Variants in TTYH1 observed in about 807,000 individuals in gnomAD.
The protein encoded by TTYH1 is protein tweety homolog 1.
Under a neutral mutation model 61.2 loss-of-function variants are expected in TTYH1, and 33 were observed. The ratio of observed to expected loss-of-function variants is 0.54; its 90% CI spans 0.41 to 0.72. The LOEUF (loss-of-function observed/expected upper bound fraction) is 0.72. Ranked by LOEUF, TTYH1 falls within the 30% of genes least tolerant of loss-of-function variation. The pLI, the probability that TTYH1 is intolerant of heterozygous loss-of-function variation, is 0.00. For synonymous variants in TTYH1, 308 were observed against 266.4 expected, an observed-to-expected ratio of 1.16 and a Z score of -1.52; for missense variants, 538 against 575.8, an observed-to-expected ratio of 0.93 and a Z score of 0.67.
At position 54,429,394 on chromosome 19, in the gene TTYH1, C is replaced by G; in HGVS notation, c.807+15C>G. 1 of 1,612,932 alleles carries G rather than the reference C, an allele frequency of 6.2e-7. No homozygotes were observed. The highest frequency in any genetic ancestry group is 8.5e-7 in the Non-Finnish European group (1 of 1,179,528). On this transcript the variant is annotated intron_variant, in intron 6 of 13. Coordinates refer to ENST00000376530, the MANE Select transcript of TTYH1 (RefSeq NM_020659.4). This position sits in a 1 kb window ranked among gnomAD's most constrained non-coding sequence, Gnocchi z 5.1. ...CCACGGCCGTGGTGAGTGCCAGGGC[C>G]GGGCCATTGGGCTCTGGGACTCAGG...
chr19:54,424,338 ATCAT>A (rs1195159281), intron 4 of TTYH1, among the ~76,000 whole-genome samples: 4 of 152,208 alleles, frequency 2.6e-5, no homozygotes, highest in African/African-American at 9.6e-5. Context: ...ACCATTAGTA[ATCAT>A]TCATTCATTC....
intron 10 of TTYH1, chr19:54,432,981 A>C (rs2083471477): frequency 6.6e-6 from 1 of 152,156 alleles, no homozygotes; most frequent in Non-Finnish European, 1.5e-5. Context: ...GTAAGCACTG[A>C]AGCCATGCTC....
At position 54,416,213 on chromosome 19, in the gene TTYH1, A is replaced by G; in HGVS notation, c.126+535A>G. 6.1e-6 allele frequency: 3 copies of G among 488,580 alleles called. No homozygotes were observed. The highest frequency in any genetic ancestry group is 1.1e-5 in the Non-Finnish European group (3 of 272,914). 30.3% of individuals were successfully genotyped at this position (488,580 alleles called of 1,614,324 possible). A position where few individuals can be genotyped will look rare whatever the true frequency, so the allele number is the denominator to read the frequency against. ...TCAGGGGCTGAGGACCAGGGCTGGA[A>G]AATGAAGGGGCTCTGGGAGAGGAAG... On this transcript the variant is annotated intron_variant, in intron 1 of 13. Coordinates refer to ENST00000376530, the MANE Select transcript of TTYH1 (RefSeq NM_020659.4). This position sits in a 1 kb window ranked among gnomAD's most constrained non-coding sequence, Gnocchi z 7.0.
chr19:54,435,713 G>A (rs2083533758), intron 11 of TTYH1, 29 bp downstream of exon 11: 2 of 1,609,754 alleles, frequency 1.2e-6, no homozygotes, highest in Non-Finnish European at 1.7e-6. Flanking sequence ...TAGGGTCCTG[G>A]GGAGGGAAGA....
rs541745938 is a variant in TTYH1 at position 54,426,872 on chromosome 19, G to C, written c.734+104G>C. Reference sequence around the variant, plus strand: ...TACACGGAGGACCGTGGTCCTTCACGGCCGGGTACACACGAAGAAAAGAGA... The same window carrying C: ...TACACGGAGGACCGTGGTCCTTCACCGCCGGGTACACACGAAGAAAAGAGA... On this transcript the variant is annotated intron_variant, in intron 5 of 13. Coordinates refer to ENST00000376530, the MANE Select transcript of TTYH1 (RefSeq NM_020659.4). 286 of 1,017,598 alleles carry C rather than the reference G, an allele frequency of 2.8e-4. 1 individual carries two copies. In the African/African-American group the frequency reaches 3.9e-3, roughly 14 times the overall value. 63.0% of individuals were successfully genotyped at this position (1,017,598 alleles called of 1,614,324 possible).
intron 10 of TTYH1, chr19:54,431,435 T>G: frequency 5.8e-6 from 3 of 517,466 alleles, no homozygotes; most frequent in Non-Finnish European, 6.8e-6. Flanking sequence ...ACTCCCGCAC[T>G]CCCCGCTGGG....
rs1428609630 is a variant in TTYH1 at position 54,421,816 on chromosome 19, TCATG to T, written c.418-372_418-369del. On this transcript the variant is annotated intron_variant, in intron 3 of 13. Transcript: ENST00000376530. This position sits in a 1 kb window ranked among gnomAD's most constrained non-coding sequence, Gnocchi z 4.8. ...CCTGGGGCTGAGGCCTGGCCCCACT[TCATG>T]CCTTAGATTCCATGTCCAGCTGCAG... Among the ~76,000 whole-genome samples, 2 of 152,018 alleles carry T rather than the reference TCATG, an allele frequency of 1.3e-5. No individual in the cohort carries two copies. The highest frequency in any genetic ancestry group is 2.9e-5 in the Non-Finnish European group (2 of 67,994).
chr19:54,418,855 A>G, intron 1 of TTYH1: 1 of 410,850 alleles, frequency 2.4e-6, no homozygotes, highest in Non-Finnish European at 4.3e-6. Context: ...CCTGCTAAAG[A>G]TTGCACAGCC....
chr19:54,417,137 T>G (rs1048755734), intron 1 of TTYH1, among the ~76,000 whole-genome samples: 14 of 152,022 alleles, frequency 9.2e-5, no homozygotes, highest in African/African-American at 3.4e-4. Context: ...CACTGGCATA[T>G]GCACAGCACA....
chr19:54,417,405 A>G (rs1364856321), intron 1 of TTYH1, among the ~76,000 whole-genome samples: 1 of 151,136 alleles, frequency 6.6e-6, no homozygotes, highest in East Asian at 2.0e-4. Context: ...TACTCTCATT[A>G]CACACTCACA....
At position 54,429,228 on chromosome 19, in the gene TTYH1, G is replaced by A. The variant is rs2083385287; in HGVS notation, c.735-79G>A. ...AGGTGGGTGGAGGTGGGGGGCGGCTGTGATGGGATTTGGGGTGTGGAAAGA... is the reference window on the plus strand; with the variant it reads ...AGGTGGGTGGAGGTGGGGGGCGGCTATGATGGGATTTGGGGTGTGGAAAGA... On this transcript the variant is annotated intron_variant, in intron 5 of 13. Coordinates refer to ENST00000376530, the MANE Select transcript of TTYH1 (RefSeq NM_020659.4). The surrounding 1 kb of genome is among the most constrained non-coding windows in gnomAD (Gnocchi z 5.1). 3.0e-6 allele frequency: 4 copies of A among 1,347,870 alleles called. No homozygotes were observed. In the African/African-American group the frequency reaches 4.3e-5, roughly 14 times the overall value. 83.5% of individuals were successfully genotyped at this position (1,347,870 alleles called of 1,614,324 possible).
chr19:54,430,753 GGA>G, intron 8 of TTYH1, 58 bp from the exon 9 acceptor site: 1 of 1,591,248 alleles, frequency 6.3e-7, no homozygotes, highest in South Asian at 1.1e-5. Flanking sequence ...CCGGAGGAGA[GGA>G]GAGAGGGCCG....
In TTYH1 at chr19:54,435,531, C is replaced by T. The variant is rs773812746; in HGVS notation, c.1126-11C>T. 1 of 1,585,536 alleles carries T rather than the reference C, an allele frequency of 6.3e-7. No individual in the cohort carries two copies. The highest frequency in any genetic ancestry group is 1.1e-5 in the South Asian group (1 of 87,954). The stretch of plus-strand genomic sequence containing the variant: ...GTGGGGACGCATGGCCTGATGACGC[C>T]CTCCCCTCAGGACTATGGTGCAGCC... On this transcript the variant is annotated splice_polypyrimidine_tract_variant and intron_variant, in intron 10 of 13. Transcript: ENST00000376530.
At position 54,420,487 on chromosome 19, in the gene TTYH1, C is replaced by T. The variant is rs528455375; in HGVS notation, c.306-790C>T. 1.8e-4 allele frequency among the ~76,000 whole-genome samples: 28 copies of T among 151,962 alleles called. No homozygotes were observed. The South Asian group carries it at 1.9e-3, about 10-fold the overall frequency. Reference sequence around the variant, plus strand: ...CGACCCGAGGGATGGGGGTGGAGGCCCAGCCGGGGCTGGGAACCGGGAGGG... The same window carrying T: ...CGACCCGAGGGATGGGGGTGGAGGCTCAGCCGGGGCTGGGAACCGGGAGGG... On this transcript the variant is annotated intron_variant, in intron 2 of 13. Transcript: ENST00000376530. This position sits in a 1 kb window ranked among gnomAD's most constrained non-coding sequence, Gnocchi z 4.8.
Position 54,429,217 on chromosome 19 carries a change from G to A in TTYH1, c.735-90G>A. ...CCAGGCTCCAGAGGTGGGTGGAGGTGGGGGGCGGCTGTGATGGGATTTGGG... is the reference window on the plus strand; with the variant it reads ...CCAGGCTCCAGAGGTGGGTGGAGGTAGGGGGCGGCTGTGATGGGATTTGGG... On this transcript the variant is annotated intron_variant, in intron 5 of 13. Transcript: ENST00000376530. This position sits in a 1 kb window ranked among gnomAD's most constrained non-coding sequence, Gnocchi z 5.1. 2 of 1,201,852 alleles carry A rather than the reference G, an allele frequency of 1.7e-6. No individual in the cohort carries two copies. Among genetic ancestry groups the A allele is most frequent in the Admixed American group, 3.5e-5 (2 of 56,870 alleles). The allele number at this position is 1,201,852 out of a possible 1,614,324, so 74.4% of individuals were successfully genotyped here.
chr19:54,436,754 C>G lies in TTYH1; in HGVS notation c.*464C>G, dbSNP rs34207530. ...TCCTTATTTCTCCTCTCCCTTGATT[C>G]GGCCTCCTGGCCAGGGCTGGGACAT... On this transcript the variant is annotated 3_prime_UTR_variant, in exon 14 of 14. Coordinates refer to ENST00000376530, the MANE Select transcript of TTYH1 (RefSeq NM_020659.4). This position sits in a 1 kb window ranked among gnomAD's most constrained non-coding sequence, Gnocchi z 4.3. The G allele has an allele frequency of 4.1e-6, 1 of 245,714 alleles. No homozygotes were observed. Among genetic ancestry groups the G allele is most frequent in the Non-Finnish European group, 8.0e-6 (1 of 124,688 alleles). 15.2% of individuals were successfully genotyped at this position (245,714 alleles called of 1,614,324 possible).
At position 54,429,855 on chromosome 19, in the gene TTYH1, G is replaced by A. The variant is rs777214634; in HGVS notation, c.808-27G>A. 6.2e-6 allele frequency: 10 copies of A among 1,610,498 alleles called. No homozygotes were observed. Among genetic ancestry groups the A allele is most frequent in the Non-Finnish European group, 6.8e-6 (8 of 1,177,358 alleles). ...GTGGAATCGGGGCAGTTTTGGGTTT[G>A]AGCCCCTTTTCTGCTGCCTCACGCA... On this transcript the variant is annotated intron_variant, in intron 6 of 13. Coordinates refer to ENST00000376530, the MANE Select transcript of TTYH1 (RefSeq NM_020659.4). This position sits in a 1 kb window ranked among gnomAD's most constrained non-coding sequence, Gnocchi z 5.1.
rs1360320728 is a variant in TTYH1 at position 54,420,341 on chromosome 19, G to A, written c.306-936G>A. Among the ~76,000 whole-genome samples, 1 of 152,172 alleles carries A rather than the reference G, an allele frequency of 6.6e-6. No homozygotes were observed. The highest frequency in any genetic ancestry group is 1.5e-5 in the Non-Finnish European group (1 of 68,010). On this transcript the variant is annotated intron_variant, in intron 2 of 13. Transcript: ENST00000376530. This position sits in a 1 kb window ranked among gnomAD's most constrained non-coding sequence, Gnocchi z 4.8. ...TTCCTCCTCCGGCTCTCTGGCGTGG[G>A]GGGAGACAGGGGAGGTGGACAAAGG... is the stretch of plus-strand genomic sequence containing the variant.
Position 54,415,550 on chromosome 19 carries a change from G to T in TTYH1, c.-3G>T. ...CGCCCCGCTGCCCCCTCCCCCGGGG[G>T]CCATGGGGGCGCCCCCGGGCTACCG... On this transcript the variant is annotated 5_prime_UTR_variant, in exon 1 of 14. Coordinates refer to ENST00000376530, the MANE Select transcript of TTYH1 (RefSeq NM_020659.4). The surrounding 1 kb of genome is among the most constrained non-coding windows in gnomAD (Gnocchi z 5.2). 1 of 1,470,458 alleles carries T rather than the reference G, an allele frequency of 6.8e-7. No homozygotes were observed. The highest frequency in any genetic ancestry group is 9.0e-7 in the Non-Finnish European group (1 of 1,115,642). 91.1% of individuals were successfully genotyped at this position (1,470,458 alleles called of 1,614,324 possible).
Sources: allele counts gnomAD v4.1 joint callset (sites outside exome capture counted in the v4.1 genomes callset), GRCh38; gene constraint gnomAD v4.1.1; non-coding constraint Gnocchi (gnomAD v3.1); transcripts MANE v1.5; gene names NCBI Gene and HGNC (gene_info 2026-07-23, HGNC 2026-07-21).